The following RASSF8 variants were observed in gnomAD, a reference collection of about 807,000 sequenced individuals.
RASSF8 encodes the protein ras association domain-containing protein 8.
RASSF8 carries 22 observed loss-of-function variants against 48.5 expected under a neutral mutation model. The observed-to-expected ratio is 0.45, with a 90% CI of 0.32 to 0.65. RASSF8 has a LOEUF of 0.65. Ranked by LOEUF, RASSF8 falls within the 30% of genes least tolerant of loss-of-function variation. The pLI, the probability that RASSF8 is intolerant of heterozygous loss-of-function variation, is 0.03. For synonymous variants in RASSF8, 127 were observed against 171.5 expected (o/e 0.74, Z 2.03); for missense variants, 418 against 489.2 (o/e 0.85, Z 1.37).
At chr12:26,010,990 A>G (rs903116044) in intron 2 of RASSF8, among the ~76,000 whole-genome samples, 26 of 152,240 alleles carry the variant, frequency 1.7e-4, no homozygotes, top group Middle Eastern at 3.4e-3. Context: ...CCTTCCTTGG[A>G]ATCCAAAAGT....
intron 2 of RASSF8, among the ~76,000 whole-genome samples, chr12:25,996,899 T>C (rs986902412): frequency 5.3e-5 from 8 of 152,200 alleles, no homozygotes; most frequent in Admixed American, 5.2e-4. Context: ...ATGTTAACTT[T>C]GGTGGTCAGC....
rs796827869 is a variant in RASSF8 at position 25,999,637 on chromosome 12, A to C, written c.-109+4507A>C. On this transcript the variant is annotated intron_variant, in intron 2 of 5. Transcript: ENST00000689635. Reference sequence around the variant, plus strand: ...CAGCTACTCCGGAGGCTGAGGTGGGAGGATTACACCACTGTGCTCCACCCT... The same window carrying C: ...CAGCTACTCCGGAGGCTGAGGTGGGCGGATTACACCACTGTGCTCCACCCT... Among the ~76,000 whole-genome samples, 12 of 152,288 alleles carry C rather than the reference A, an allele frequency of 7.9e-5. 1 individual carries two copies. The highest frequency in any genetic ancestry group is 2.9e-4 in the African/African-American group (12 of 41,566).
downstream of RASSF8, among the ~76,000 whole-genome samples, chr12:26,073,752 C>CT (rs752383527): frequency 1.6e-4 from 16 of 97,868 alleles, no homozygotes; most frequent in African/African-American, 5.2e-4. Flanking sequence ...TCTCTATACA[C>CT]ACACACACAC....
chr12:26,035,178 G>A (rs2137125259), intron 2 of RASSF8, among the ~76,000 whole-genome samples: 1 of 152,054 alleles, frequency 6.6e-6, no homozygotes, highest in Admixed American at 6.6e-5. Context: ...TTTCCAACCA[G>A]TTTTACTCTT....
chr12:26,025,588 G>C (rs1378154298), intron 2 of RASSF8, among the ~76,000 whole-genome samples: 4 of 146,426 alleles, frequency 2.7e-5, no homozygotes, highest in African/African-American at 1.0e-4. Flanking sequence ...AAAGCATTCA[G>C]ATTGGAAAGG....
chr12:26,016,931 C>T (rs1942665142), intron 2 of RASSF8, among the ~76,000 whole-genome samples: 1 of 152,086 alleles, frequency 6.6e-6, no homozygotes, highest in East Asian at 1.9e-4. Flanking sequence ...CTAATTCTTT[C>T]ATTTATCTGC....
At chr12:26,063,332 T>C (rs866030087) in intron 3 of RASSF8, among the ~76,000 whole-genome samples, 1 of 152,224 alleles carries the variant, frequency 6.6e-6, no homozygotes, top group Non-Finnish European at 1.5e-5. Flanking sequence ...AAACTTTATC[T>C]TACTTTCATA....
At chr12:25,982,707 A>G (rs1941772760) in intron 1 of RASSF8, among the ~76,000 whole-genome samples, 1 of 152,138 alleles carries the variant, frequency 6.6e-6, no homozygotes, top group Admixed American at 6.6e-5. Context: ...AGAGCCTCCT[A>G]TGGGGAAAAA....
chr12:25,972,923 CT>C (rs1565599196), intron 1 of RASSF8, among the ~76,000 whole-genome samples: 1 of 152,070 alleles, frequency 6.6e-6, no homozygotes, highest in African/African-American at 2.4e-5. Flanking sequence ...GTTTTTTTTC[CT>C]TGTATAAATG....
At chr12:26,049,939 C>T (rs944961448) in intron 2 of RASSF8, among the ~76,000 whole-genome samples, 3 of 152,158 alleles carry the variant, frequency 2.0e-5, no homozygotes, top group Non-Finnish European at 4.4e-5. Context: ...TGCCCGCCAC[C>T]ACGCCCGGCT....
intron 2 of RASSF8, among the ~76,000 whole-genome samples, chr12:26,016,799 G>A (rs962916104): frequency 7.9e-5 from 12 of 152,022 alleles, no homozygotes; most frequent in Non-Finnish European, 1.6e-4. Flanking sequence ...TTGAATAGTT[G>A]TTTATTTTTG....
chr12:26,042,431 G>A (rs996604603), intron 2 of RASSF8, among the ~76,000 whole-genome samples: 11 of 152,072 alleles, frequency 7.2e-5, no homozygotes, highest in African/African-American at 1.4e-4. Context: ...GAATTCCTTC[G>A]TTTTGGTTTT....
intron 3 of RASSF8, among the ~76,000 whole-genome samples, chr12:26,060,651 G>A (rs1943722517): frequency 6.6e-6 from 1 of 152,134 alleles, no homozygotes; most frequent in African/African-American, 2.4e-5. Flanking sequence ...AGAATTCTAA[G>A]TCATTACGGA....
downstream of RASSF8, among the ~76,000 whole-genome samples, chr12:26,074,352 G>T (rs1030625554): frequency 3.3e-5 from 5 of 151,528 alleles, no homozygotes; most frequent in African/African-American, 1.2e-4. Context: ...CCTTCAGGAG[G>T]TTTTTTTTGA....
intron 2 of RASSF8, among the ~76,000 whole-genome samples, chr12:26,036,766 A>T (rs1223610541): frequency 6.6e-6 from 1 of 152,034 alleles, no homozygotes; most frequent in Non-Finnish European, 1.5e-5. Flanking sequence ...AAAATAAAAA[A>T]ATAAAAAATT....
At chr12:25,992,679 G>A (rs1331638530) in intron 1 of RASSF8, among the ~76,000 whole-genome samples, 3 of 152,156 alleles carry the variant, frequency 2.0e-5, no homozygotes, top group Admixed American at 2.0e-4. Flanking sequence ...CATGCTACAT[G>A]GTGGCTTCAG....
At chr12:26,027,581 C>A (rs770884782) in intron 2 of RASSF8, among the ~76,000 whole-genome samples, 2 of 152,158 alleles carry the variant, frequency 1.3e-5, no homozygotes, top group Non-Finnish European at 2.9e-5. Context: ...TTATGATTAA[C>A]CAGCCAGTTA....
chr12:26,055,597 T>C, intron 3 of RASSF8, 151 bp downstream of exon 3: 1 of 703,656 alleles, frequency 1.4e-6, no homozygotes, highest in Non-Finnish European at 2.5e-6. Flanking sequence ...AGTTTGCCTG[T>C]GTTTAGGTAC....
chr12:26,031,027 A>G (rs899450093), intron 2 of RASSF8, among the ~76,000 whole-genome samples: 29 of 152,164 alleles, frequency 1.9e-4, no homozygotes, highest in African/African-American at 7.0e-4. Context: ...AGGAAATATG[A>G]TATTTCTTCT....
Sources: allele counts gnomAD v4.1 joint callset (sites outside exome capture counted in the v4.1 genomes callset), GRCh38; gene constraint gnomAD v4.1.1; transcripts MANE v1.5; gene names NCBI Gene and HGNC (gene_info 2026-07-23, HGNC 2026-07-21).